Variants in RABL6 observed in about 807,000 individuals in gnomAD.
RABL6 encodes RAB, member RAS oncogene family like 6.
RABL6 carries 28 observed loss-of-function variants against 72.9 expected under a neutral mutation model. The observed-to-expected ratio is 0.38, with a 90% CI of 0.28 to 0.53. RABL6 has a LOEUF of 0.53. Among genes scored for constraint, RABL6 ranks in the 20% least tolerant of loss-of-function variants. The pLI is 0.80. For synonymous variants in RABL6, 477 were observed against 421.2 expected (o/e 1.13, Z -1.62); for missense variants, 1,029 against 1,008.4 (o/e 1.02, Z -0.28).
intron 5 of RABL6, 104 bp from the exon 6 acceptor site, chr9:136,831,617 G>T: frequency 1.1e-5 from 17 of 1,509,240 alleles, no homozygotes; most frequent in Admixed American, 1.8e-5. Flanking sequence ...TGTTGGAAAT[G>T]AGAAGCAGCC....
chr9:136,832,201 G>T, intron 6 of RABL6, 64 bp from the exon 7 acceptor site: 1 of 1,469,662 alleles, frequency 6.8e-7, no homozygotes, highest in Non-Finnish European at 9.5e-7. Context: ...TGTGGGCCCA[G>T]GGGTGATCCT....
In RABL6 at chr9:136,840,113, G is replaced by A. The variant is rs143946601; in HGVS notation, c.1931-41G>A. 213 of 1,612,558 alleles carry A rather than the reference G, an allele frequency of 1.3e-4. 1 individual carries two copies. The highest frequency in any genetic ancestry group is 6.6e-4 in the Middle Eastern group (4 of 6,050). ...TCCTGTCACCCAGCTTGGGGTCCCC[G>A]TTGGCCTGAGTTTGAGCCACTGTCT... On this transcript the variant is annotated intron_variant, in intron 13 of 14. Transcript: ENST00000311502.
At chr9:136,822,087 C>T in intron 1 of RABL6, 2 of 1,288,450 alleles carry the variant, frequency 1.6e-6, no homozygotes, top group Non-Finnish European at 2.0e-6. Context: ...GGGACTGGGC[C>T]AGGAGAGAGG....
chr9:136,838,683 A>G (rs1364874514), intron 10 of RABL6, among the ~76,000 whole-genome samples: 1 of 152,062 alleles, frequency 6.6e-6, no homozygotes, highest in East Asian at 1.9e-4. Context: ...TCCTTCACCC[A>G]CTGAGCGGCC....
intron 1 of RABL6, among the ~76,000 whole-genome samples, chr9:136,810,266 C>T (rs920701400): frequency 3.9e-5 from 6 of 152,124 alleles, no homozygotes; most frequent in African/African-American, 1.4e-4. Flanking sequence ...CAAGGTCCAC[C>T]TCATGCACCA....
In RABL6 at chr9:136,840,928, C is replaced by T. The variant is rs780170972; in HGVS notation, c.*406C>T. On this transcript the variant is annotated 3_prime_UTR_variant, in exon 15 of 15. Coordinates refer to ENST00000311502, the MANE Select transcript of RABL6 (RefSeq NM_024718.5). Reference sequence around the variant, plus strand: ...CTTGCCCTCCGCGCTCATCTGGGGCCGCAGCATGCCTATGGTTCCGCTTCC... The same window carrying T: ...CTTGCCCTCCGCGCTCATCTGGGGCTGCAGCATGCCTATGGTTCCGCTTCC... 1.4e-5 allele frequency: 20 copies of T among 1,474,020 alleles called. No individual in the cohort carries two copies. The highest frequency in any genetic ancestry group is 7.5e-5 in the East Asian group (3 of 40,062). 91.3% of individuals were successfully genotyped at this position (1,474,020 alleles called of 1,614,324 possible). A position where few individuals can be genotyped will look rare whatever the true frequency, so the allele number is the denominator to read the frequency against.
chr9:136,817,391 A>G (rs1848141124), intron 1 of RABL6, among the ~76,000 whole-genome samples: 1 of 152,232 alleles, frequency 6.6e-6, no homozygotes, highest in African/African-American at 2.4e-5. Flanking sequence ...TTTTCAAAAC[A>G]TTAAAAAGTA....
At chr9:136,816,392 A>G (rs919140505) in intron 1 of RABL6, among the ~76,000 whole-genome samples, 1 of 151,058 alleles carries the variant, frequency 6.6e-6, no homozygotes, top group Non-Finnish European at 1.5e-5. Flanking sequence ...GGAGAGAGCC[A>G]CTGCGACCAG....
At chr9:136,823,697 G>C (rs1171365515) in intron 2 of RABL6, 38 bp downstream of exon 2, 2 of 1,564,738 alleles carry the variant, frequency 1.3e-6, no homozygotes, top group Non-Finnish European at 1.7e-6. Context: ...TCGGGCTCCA[G>C]GCTTCTCCTC....
chr9:136,838,505 G>C (rs909857392), intron 10 of RABL6, among the ~76,000 whole-genome samples: 5 of 152,196 alleles, frequency 3.3e-5, no homozygotes, highest in African/African-American at 1.2e-4. Context: ...CCTGCATTTG[G>C]TCCCAGGACA....
intron 1 of RABL6, chr9:136,813,152 GT>G (rs1246052992): frequency 3.3e-5 from 15 of 458,094 alleles, no homozygotes; most frequent in Non-Finnish European, 5.3e-5. Context: ...TTGACAGACA[GT>G]TTTAGATGGC....
intron 7 of RABL6, chr9:136,833,451 G>A: frequency 4.4e-6 from 2 of 452,886 alleles, no homozygotes; most frequent in South Asian, 4.1e-5. Context: ...AGCTGGGTCT[G>A]GGGGACCTGT....
At chr9:136,825,757 T>G (rs772074823) in intron 2 of RABL6, 22 bp from the exon 3 acceptor site, 1 of 1,612,250 alleles carries the variant, frequency 6.2e-7, no homozygotes, top group Non-Finnish European at 8.5e-7. Context: ...GGGCACTAAT[T>G]TTAGGATTCT....
chr9:136,825,508 G>A (rs1211017617), intron 2 of RABL6, among the ~76,000 whole-genome samples: 2 of 148,882 alleles, frequency 1.3e-5, no homozygotes, highest in Non-Finnish European at 3.0e-5. Flanking sequence ...GCCCAGGATC[G>A]GGGCCCGGGA....
chr9:136,837,368 C>T lies in RABL6; in HGVS notation c.832C>T (p.Arg278Cys), dbSNP rs372163933. The part of the protein sequence containing the change: ...YGIFLEMMEA[R>C]SRGHASPLAA... ...CAGCTTCCTGGAGATGATGGAGGCT[C>T]GCAGCCGTGGCCATGCGTCCCCACT... The change falls in exon 9 of 15, where the codon CGC (arginine) becomes TGC (cysteine). Residue 278 changes from arginine to cysteine, a missense_variant. Physicochemically the swap from Arg to Cys is radical, Grantham distance 180 (BLOSUM62 -3). Coordinates refer to ENST00000311502, the MANE Select transcript of RABL6 (RefSeq NM_024718.5). 5 of 1,603,572 alleles carry T rather than the reference C, an allele frequency of 3.1e-6. No homozygotes were observed. Among genetic ancestry groups the T allele is most frequent in the East Asian group, 2.3e-5 (1 of 44,282 alleles).
At chr9:136,817,140 C>G (rs558534190) in intron 1 of RABL6, among the ~76,000 whole-genome samples, 1 of 151,042 alleles carries the variant, frequency 6.6e-6, no homozygotes, top group South Asian at 2.1e-4. Flanking sequence ...AATCAGTCAG[C>G]AGCAGGAGAA....
In RABL6 at chr9:136,823,602, G is replaced by A. The variant is rs762092077; in HGVS notation, c.208G>A (p.Glu70Lys). The A allele has an allele frequency of 1.2e-6, 2 of 1,613,814 alleles. No homozygotes were observed. Among genetic ancestry groups the A allele is most frequent in the Middle Eastern group, 1.6e-4 (1 of 6,062 alleles). The change falls in exon 2 of 15, where the codon GAG (glutamate) becomes AAG (lysine). Residue 70 changes from glutamate to lysine, a missense_variant. This residue lies in a region of RABL6 where 434 missense variants were observed against 536.1 expected (regional missense o/e 0.81). Transcript: ENST00000311502. ...WHRLQGRPFV[E>K]EYIPTQEIQV... Reference sequence around the variant, plus strand: ...CCGCCTGCAGGGCCGGCCGTTCGTGGAGGAGTACATCCCCACACAGGAGAT... The same window carrying A: ...CCGCCTGCAGGGCCGGCCGTTCGTGAAGGAGTACATCCCCACACAGGAGAT...
chr9:136,828,469 T>C, intron 3 of RABL6, 25 bp from the exon 4 acceptor site: 1 of 1,612,152 alleles, frequency 6.2e-7, no homozygotes. Context: ...TTCCACCTCG[T>C]AATTTTTGTT....
intron 7 of RABL6, chr9:136,833,606 G>A: frequency 6.9e-7 from 1 of 1,445,200 alleles, no homozygotes; most frequent in Non-Finnish European, 9.3e-7. Context: ...TCCTCGCCCT[G>A]GGCTGCCCCA....
Sources: allele counts gnomAD v4.1 joint callset (sites outside exome capture counted in the v4.1 genomes callset), GRCh38; gene constraint gnomAD v4.1.1; regional missense constraint gnomAD v4.1.1; transcripts MANE v1.5; gene names NCBI Gene and HGNC (gene_info 2026-07-23, HGNC 2026-07-21).